HIVEP3: variants seen among roughly 807,000 people sequenced by gnomAD.
HIVEP3 encodes the protein transcription factor HIVEP3.
A neutral mutation model predicts 152.8 loss-of-function variants in HIVEP3; 49 were observed. The ratio of observed to expected loss-of-function variants is 0.32; its 90% CI spans 0.26 to 0.41. The LOEUF is 0.41. Among genes scored for constraint, HIVEP3 ranks in the 10% least tolerant of loss-of-function variants. HIVEP3 has a pLI of 1.00. For synonymous variants in HIVEP3, 1,269 were observed against 1,289.0 expected (o/e 0.98, Z 0.33); for missense variants, 2,790 against 3,103.3 (o/e 0.90, Z 2.40).
intron 1 of HIVEP3, among the ~76,000 whole-genome samples, chr1:41,994,265 C>T (rs929180629): frequency 1.4e-5 from 1 of 71,084 alleles, no homozygotes; most frequent in African/African-American, 4.6e-5. Context: ...ATAGACTTAG[C>T]AAAAAAAAAA....
At chr1:41,545,313 G>A (rs1465581959) in intron 5 of HIVEP3, among the ~76,000 whole-genome samples, 13 of 77,148 alleles carry the variant, frequency 1.7e-4, no homozygotes, top group Admixed American at 7.0e-4. Flanking sequence ...TACCACCATC[G>A]CTACCATCGC....
chr1:41,877,033 G>T (rs765027509), intron 1 of HIVEP3, among the ~76,000 whole-genome samples: 1 of 152,160 alleles, frequency 6.6e-6, no homozygotes, highest in Non-Finnish European at 1.5e-5. Context: ...GCATTGAGAG[G>T]TTACTGTGGT....
chr1:41,588,225 C>T (rs1268268387), intron 3 of HIVEP3, among the ~76,000 whole-genome samples: 1 of 152,136 alleles, frequency 6.6e-6, no homozygotes, highest in East Asian at 1.9e-4. Context: ...CCTTTGGGTG[C>T]TATGTGTGGA....
chr1:41,949,140 G>A (rs149471851), intron 1 of HIVEP3, among the ~76,000 whole-genome samples: 2,338 of 152,286 alleles, frequency 0.015, 59 homozygotes, highest in African/African-American at 0.054. Context: ...TCAGCCTATC[G>A]TTGTTTGAAT....
At chr1:41,603,343 C>A (rs1013553762) in intron 3 of HIVEP3, among the ~76,000 whole-genome samples, 1 of 151,832 alleles carries the variant, frequency 6.6e-6, no homozygotes, top group Non-Finnish European at 1.5e-5. Context: ...GCTGGGATTA[C>A]AGTCGTGAGC....
At chr1:41,832,351 G>C (rs1642987827) in intron 1 of HIVEP3, among the ~76,000 whole-genome samples, 1 of 152,032 alleles carries the variant, frequency 6.6e-6, no homozygotes, top group Non-Finnish European at 1.5e-5. Context: ...AATGTGGCAA[G>C]ACCCTGTCTC....
chr1:41,650,369 C>T (rs1249733018), intron 2 of HIVEP3, among the ~76,000 whole-genome samples: 8 of 151,986 alleles, frequency 5.3e-5, no homozygotes, highest in East Asian at 1.9e-4. Context: ...ATGGGCATGG[C>T]GGGGGCAGGG....
chr1:41,969,515 T>C (rs567249154), intron 1 of HIVEP3, among the ~76,000 whole-genome samples: 5 of 152,102 alleles, frequency 3.3e-5, no homozygotes, highest in South Asian at 2.1e-4. Context: ...ATGAAGAAAA[T>C]TGAAACTGGA....
At chr1:41,609,811 C>T (rs998219103) in intron 3 of HIVEP3, among the ~76,000 whole-genome samples, 1 of 152,238 alleles carries the variant, frequency 6.6e-6, no homozygotes, top group Non-Finnish European at 1.5e-5. Flanking sequence ...TTTAAACCCA[C>T]CAGTGATGGT....
At chr1:41,602,482 T>C (rs902871356) in intron 3 of HIVEP3, among the ~76,000 whole-genome samples, 2 of 152,152 alleles carry the variant, frequency 1.3e-5, no homozygotes, top group Admixed American at 1.3e-4. Context: ...TGTATTTTTC[T>C]GGGAACATAT....
chr1:41,971,974 G>C (rs991218440), intron 1 of HIVEP3, among the ~76,000 whole-genome samples: 5 of 152,172 alleles, frequency 3.3e-5, no homozygotes, highest in African/African-American at 4.8e-5. Flanking sequence ...TGGAGGCAGA[G>C]AGCAGCCCTC....
At chr1:41,885,384 G>A (rs1440370536) in intron 1 of HIVEP3, among the ~76,000 whole-genome samples, 2 of 151,992 alleles carry the variant, frequency 1.3e-5, no homozygotes, top group Non-Finnish European at 2.9e-5. Context: ...AAAAAAAAAG[G>A]GCCAGTCACA....
At chr1:41,753,712 T>TAAAAAAAAAA (rs1183978061) in intron 1 of HIVEP3, among the ~76,000 whole-genome samples, 1 of 82,618 alleles carries the variant, frequency 1.2e-5, no homozygotes, top group Non-Finnish European at 3.1e-5. Flanking sequence ...TAAATAAAAA[T>TAAAAAAAAAA]AGAAAACAAT....
chr1:41,592,537 C>G (rs35103504), intron 3 of HIVEP3, among the ~76,000 whole-genome samples: 7,602 of 152,228 alleles, frequency 0.05, 259 homozygotes, highest in African/African-American at 0.096. Flanking sequence ...TCAAAGTGAG[C>G]ATCCATCTAG....
At position 41,843,572 on chromosome 1, in the gene HIVEP3, A is replaced by G. The variant is rs190208478; in HGVS notation, c.-801+74841T>C. Reference sequence around the variant, plus strand: ...TTCACAGCAGCTAGGAGTGCTAAAGACGGGTAGTTTAAGAAAAAAAAAAAA... The same window carrying G: ...TTCACAGCAGCTAGGAGTGCTAAAGGCGGGTAGTTTAAGAAAAAAAAAAAA... On this transcript the variant is annotated intron_variant, in intron 1 of 8. Transcript: ENST00000372583. 7.2e-5 allele frequency among the ~76,000 whole-genome samples: 11 copies of G among 151,828 alleles called. No individual in the cohort carries two copies. The East Asian group carries it at 1.9e-3, about 27-fold the overall frequency.
chr1:41,768,755 G>A (rs1648167555), intron 1 of HIVEP3, among the ~76,000 whole-genome samples: 1 of 152,212 alleles, frequency 6.6e-6, no homozygotes, highest in African/African-American at 2.4e-5. Flanking sequence ...GTCATTCACA[G>A]AGAGGAAGCT....
chr1:41,590,767 C>A (rs116016945), intron 3 of HIVEP3, among the ~76,000 whole-genome samples: 333 of 152,282 alleles, frequency 2.2e-3, no homozygotes, highest in African/African-American at 7.6e-3. Context: ...CAACACAGAT[C>A]AGGGTTTAGT....
intron 1 of HIVEP3, among the ~76,000 whole-genome samples, chr1:41,723,296 G>T (rs55654953): frequency 0.085 from 12,856 of 151,896 alleles, 1,795 homozygotes; most frequent in African/African-American, 0.29. Context: ...CTGAGTTTGG[G>T]TCATCTCATC....
intron 1 of HIVEP3, among the ~76,000 whole-genome samples, chr1:41,976,451 G>A (rs1033255288): frequency 3.9e-5 from 6 of 152,258 alleles, no homozygotes; most frequent in Admixed American, 6.5e-5. Flanking sequence ...CAAACCTCCC[G>A]TCTGTTCTAA....
Sources: allele counts gnomAD v4.1 joint callset (sites outside exome capture counted in the v4.1 genomes callset), GRCh38; gene constraint gnomAD v4.1.1; transcripts MANE v1.5; gene names NCBI Gene and HGNC (gene_info 2026-07-23, HGNC 2026-07-21).